Variants in SYT2 observed in about 807,000 individuals in gnomAD.
The protein encoded by SYT2 is synaptotagmin 2.
In SYT2, 15 loss-of-function variants were observed where a neutral mutation model predicts 39.9. The ratio of observed to expected loss-of-function variants is 0.38; its 90% CI spans 0.25 to 0.58. The LOEUF is 0.58. Ranked by LOEUF, SYT2 falls within the 20% of genes least tolerant of loss-of-function variation. The pLI is 0.70. For missense variants in SYT2, 389 were observed against 530.3 expected, an observed-to-expected ratio of 0.73 and a Z score of 2.62; for synonymous variants, 181 against 204.5, an observed-to-expected ratio of 0.89 and a Z score of 0.98.
At chr1:202,704,073 G>C (rs1338418266) in intron 1 of SYT2, among the ~76,000 whole-genome samples, 4 of 152,144 alleles carry the variant, frequency 2.6e-5, no homozygotes, top group African/African-American at 9.7e-5. Context: ...GTCCTCCCCT[G>C]GTCCCAGACT....
intron 1 of SYT2, chr1:202,630,371 C>A: frequency 1.0e-6 from 1 of 985,270 alleles, no homozygotes; most frequent in Non-Finnish European, 1.2e-6. Flanking sequence ...TGCATCCCAT[C>A]GCCAACCGGC....
At chr1:202,627,625 A>T in intron 1 of SYT2, 1 of 985,318 alleles carries the variant, frequency 1.0e-6, no homozygotes, top group Middle Eastern at 5.2e-4. Flanking sequence ...GTAATGCGCA[A>T]AGGAAGGGCA....
intron 1 of SYT2, among the ~76,000 whole-genome samples, chr1:202,667,991 G>A (rs953064758): frequency 1.3e-5 from 2 of 152,202 alleles, no homozygotes; most frequent in South Asian, 2.1e-4. Context: ...GATTACAGGC[G>A]TGAGCCATCG....
rs1287429440 is a variant in SYT2 at position 202,592,876 on chromosome 1, T to G, written c.*3881A>C. On this transcript the variant is annotated 3_prime_UTR_variant, in exon 9 of 9. Coordinates refer to ENST00000367268, the MANE Select transcript of SYT2 (RefSeq NM_177402.5). ...AATTTCAGATAAACAACAAATTATTTTTTAGTATATGTCCCAACTATTTGC... is the reference window on the plus strand; with the variant it reads ...AATTTCAGATAAACAACAAATTATTGTTTAGTATATGTCCCAACTATTTGC... The G allele has an allele frequency of 6.6e-6, 1 of 152,208 alleles. No individual in the cohort carries two copies. Among genetic ancestry groups the G allele is most frequent in the African/African-American group, 2.4e-5 (1 of 41,456 alleles). 9.4% of individuals were successfully genotyped at this position (152,208 alleles called of 1,614,324 possible).
Position 202,649,716 on chromosome 1 carries a change from T to C in SYT2, c.-17-43927A>G, listed in dbSNP as rs112960059. On this transcript the variant is annotated intron_variant, in intron 1 of 8. Coordinates refer to ENST00000367268, the MANE Select transcript of SYT2 (RefSeq NM_177402.5). ...CTGAACAGCATTGTAGACACTTGGATCCTACCTCATCCCTGTAACTACTTT... is the reference window on the plus strand; with the variant it reads ...CTGAACAGCATTGTAGACACTTGGACCCTACCTCATCCCTGTAACTACTTT... 8.4e-3 allele frequency among the ~76,000 whole-genome samples: 1,285 copies of C among 152,294 alleles called. 16 individuals carry two copies. Among genetic ancestry groups the C allele is most frequent in the African/African-American group, 0.03 (1,233 of 41,554 alleles).
chr1:202,663,285 C>G (rs984609074), intron 1 of SYT2, among the ~76,000 whole-genome samples: 24 of 152,308 alleles, frequency 1.6e-4, no homozygotes, highest in Admixed American at 1.1e-3. Context: ...TCTGGGATAG[C>G]AGGTTTTATC....
In SYT2 at chr1:202,626,397, G is replaced by GTTTTTTT. The variant is rs1558437010; in HGVS notation, c.-17-20609_-17-20608insAAAAAAA. Among the ~76,000 whole-genome samples the GTTTTTTT allele has an allele frequency of 8.8e-5, 9 of 102,438 alleles. No individual in the cohort carries two copies. In the East Asian group the frequency reaches 1.7e-3, roughly 19 times the overall value. 67.2% of individuals were successfully genotyped at this position (102,438 alleles called of 152,430 possible). A position where few individuals can be genotyped will look rare whatever the true frequency, so the allele number is the denominator to read the frequency against. ...TTGCATCTCCCAAGACAGCCTCTCA[G>GTTTTTTT]CTTTTTTTTTTTTTTTTTTTTTTTT... is the stretch of plus-strand genomic sequence containing the variant. On this transcript the variant is annotated intron_variant, in intron 1 of 8. Transcript: ENST00000367268.
Position 202,604,471 on chromosome 1 carries a change from T to TCCTTCATGTTCATGGCATTCTTCATGC in SYT2, c.302_328dup (p.Gly101_Lys109dup). ...GTGCCCTACCTGACCCCCTTTCATGTCCTTCATGTTCATGGCATTCTTCAT... is the reference window on the plus strand; with the variant it reads ...GTGCCCTACCTGACCCCCTTTCATGTCCTTCATGTTCATGGCATTCTTCATGCCCTTCATGTTCATGGCATTCTTCAT... On this transcript the variant is annotated inframe_insertion, in exon 3 of 9. Transcript: ENST00000367268. 1 of 1,614,208 alleles carries TCCTTCATGTTCATGGCATTCTTCATGC rather than the reference T, an allele frequency of 6.2e-7. No homozygotes were observed. Among genetic ancestry groups the TCCTTCATGTTCATGGCATTCTTCATGC allele is most frequent in the Non-Finnish European group, 8.5e-7 (1 of 1,180,016 alleles).
At chr1:202,675,316 T>C (rs906510743) in intron 1 of SYT2, among the ~76,000 whole-genome samples, 26 of 151,440 alleles carry the variant, frequency 1.7e-4, no homozygotes, top group Non-Finnish European at 3.2e-4. Flanking sequence ...CCTGCTCTCA[T>C]TGAGCTTACA....
intron 1 of SYT2, among the ~76,000 whole-genome samples, chr1:202,661,603 C>T (rs977927087): frequency 2.6e-5 from 4 of 152,126 alleles, no homozygotes; most frequent in African/African-American, 4.8e-5. Flanking sequence ...GAGCTCAGCC[C>T]GTGGCCTCAA....
At chr1:202,688,327 A>G (rs1193819137) in intron 1 of SYT2, among the ~76,000 whole-genome samples, 1 of 152,172 alleles carries the variant, frequency 6.6e-6, no homozygotes, top group Non-Finnish European at 1.5e-5. Flanking sequence ...GTTTTTATTC[A>G]TTCCTTAGCA....
chr1:202,625,312 G>C (rs1423195804), intron 1 of SYT2, among the ~76,000 whole-genome samples: 1 of 91,066 alleles, frequency 1.1e-5, no homozygotes, highest in Non-Finnish European at 2.0e-5. Flanking sequence ...TGTCTGTGTG[G>C]TGTGTGTGTG....
At chr1:202,707,205 C>T (rs984939195) in intron 1 of SYT2, among the ~76,000 whole-genome samples, 7 of 152,144 alleles carry the variant, frequency 4.6e-5, no homozygotes, top group African/African-American at 1.4e-4. Flanking sequence ...TGCGGCTGTG[C>T]TCACCTCCCC....
intron 1 of SYT2, among the ~76,000 whole-genome samples, chr1:202,651,316 C>T (rs1319566469): frequency 2.9e-5 from 4 of 139,470 alleles, no homozygotes; most frequent in South Asian, 5.3e-4. Flanking sequence ...GCATGTGAAA[C>T]GGGAAGGATA....
chr1:202,650,436 TTTTG>T (rs1463377093), intron 1 of SYT2, among the ~76,000 whole-genome samples: 1 of 52,326 alleles, frequency 1.9e-5, no homozygotes, highest in African/African-American at 4.0e-5. Context: ...TTTCATATGC[TTTTG>T]TTTTTTTTTT....
At position 202,599,467 on chromosome 1, in the gene SYT2, ACC is replaced by A; in HGVS notation, c.920-118_920-117del. On this transcript the variant is annotated intron_variant, in intron 7 of 8. Coordinates refer to ENST00000367268, the MANE Select transcript of SYT2 (RefSeq NM_177402.5). The surrounding 1 kb of genome is among the most constrained non-coding windows in gnomAD (Gnocchi z 4.4). ...AAGAGGGGGTCTTCACTCCGCTGAG[ACC>A]AGGCCCTCAGAAAGCCCCAAGTCAT... 1 of 1,235,980 alleles carries A rather than the reference ACC, an allele frequency of 8.1e-7. No homozygotes were observed. The highest frequency in any genetic ancestry group is 1.1e-6 in the Non-Finnish European group (1 of 910,590). The allele number at this position is 1,235,980 out of a possible 1,614,324, so 76.6% of individuals were successfully genotyped here. A position where few individuals can be genotyped will look rare whatever the true frequency, so the allele number is the denominator to read the frequency against.
rs760951436 is a variant in SYT2, at chr1:202,601,083, G to A, written c.802-609C>T. ...TTCTTTGTAACCAATGAGAAACTGA[G>A]GTTCCCAGAGGCCATGGTTTGCTCA... is the stretch of plus-strand genomic sequence containing the variant. On this transcript the variant is annotated intron_variant, in intron 6 of 8. Coordinates refer to ENST00000367268, the MANE Select transcript of SYT2 (RefSeq NM_177402.5). This position sits in a 1 kb window ranked among gnomAD's most constrained non-coding sequence, Gnocchi z 4.0. Among the ~76,000 whole-genome samples the A allele has an allele frequency of 3.5e-4, 53 of 152,142 alleles. No homozygotes were observed. The highest frequency in any genetic ancestry group is 5.9e-4 in the Non-Finnish European group (40 of 68,034).
At chr1:202,645,378 C>A (rs1310007831) in intron 1 of SYT2, among the ~76,000 whole-genome samples, 1 of 152,210 alleles carries the variant, frequency 6.6e-6, no homozygotes, top group African/African-American at 2.4e-5. Context: ...TCCCCCAAAC[C>A]TTCTTTTGCT....
In SYT2 at chr1:202,623,883, CCA is replaced by C. The variant is rs1429315910; in HGVS notation, c.-17-18096_-17-18095del. 1.3e-5 allele frequency among the ~76,000 whole-genome samples: 2 copies of C among 152,208 alleles called. No homozygotes were observed. Among genetic ancestry groups the C allele is most frequent in the Admixed American group, 6.5e-5 (1 of 15,280 alleles). ...CCCACACAATCAATGGATCCTCCAG[CCA>C]CAGTGTGAGCAGCTCTGCCTCATGT... On this transcript the variant is annotated intron_variant, in intron 1 of 8. Transcript: ENST00000367268. The surrounding 1 kb of genome is among the most constrained non-coding windows in gnomAD (Gnocchi z 4.2).
Sources: gnomAD v4.1 joint callset for allele counts (sites outside exome capture counted in the v4.1 genomes callset) on GRCh38, gnomAD v4.1.1 for gene constraint, Gnocchi (gnomAD v3.1) non-coding constraint, MANE v1.5 for transcripts, NCBI Gene and HGNC (gene_info 2026-07-23, HGNC 2026-07-21) for gene names.